The following THBS4 variants were observed in gnomAD, a reference collection of about 807,000 sequenced individuals.
The protein encoded by THBS4 is thrombospondin 4, also known as thrombospondin-4.
Under a neutral mutation model 115.7 loss-of-function variants are expected in THBS4, and 90 were observed. The observed-to-expected ratio is 0.78, with a 90% CI of 0.66 to 0.93. The LOEUF is 0.93. THBS4 is among the 40% of genes least tolerant of loss of function. The pLI is 0.00. For synonymous variants in THBS4, 460 were observed against 479.3 expected (o/e 0.96, Z 0.53); for missense variants, 1,087 against 1,232.7 (o/e 0.88, Z 1.77).
rs1018790846 is a variant in THBS4 at position 80,016,834 on chromosome 5, G to T, written n.177+18407G>T. 9.8e-4 allele frequency among the ~76,000 whole-genome samples: 149 copies of T among 152,216 alleles called. 1 individual carries two copies. The highest frequency in any genetic ancestry group is 3.6e-3 in the African/African-American group (148 of 41,542). The stretch of plus-strand genomic sequence containing the variant: ...AACGTTTGATGAACTGATTCAAAAC[G>T]GATAGATTAACCCATACCACACTCC... On this transcript the variant is annotated intron_variant and non_coding_transcript_variant, in intron 2 of 3. Transcript: ENST00000510218.
chr5:80,041,922 G>T (rs1473229160), intron 2 of THBS4, among the ~76,000 whole-genome samples: 1 of 152,204 alleles, frequency 6.6e-6, no homozygotes, highest in Non-Finnish European at 1.5e-5. Flanking sequence ...ACTTAAATCT[G>T]CAGGCATTAG....
At chr5:80,042,053 C>T (rs1458106634) in intron 2 of THBS4, among the ~76,000 whole-genome samples, 1 of 152,184 alleles carries the variant, frequency 6.6e-6, no homozygotes, top group Non-Finnish European at 1.5e-5. Context: ...CCTGCTTCCA[C>T]GCTACTCCCA....
intron 2 of THBS4, among the ~76,000 whole-genome samples, chr5:79,998,779 T>A (rs548632060): frequency 4.6e-5 from 7 of 152,342 alleles, no homozygotes; most frequent in African/African-American, 1.7e-4. Context: ...AATGGGCACA[T>A]GAAATATCCA....
intron 8 of THBS4, among the ~76,000 whole-genome samples, chr5:80,062,998 T>C (rs542973583): frequency 6.6e-6 from 1 of 152,356 alleles, no homozygotes; most frequent in African/African-American, 2.4e-5. Flanking sequence ...TAAATATACG[T>C]GTCCATGTGT....
Position 80,078,988 on chromosome 5 carries a change from T to C in THBS4, c.2314+19T>C, listed in dbSNP as rs757861354. 17 of 1,613,908 alleles carry C rather than the reference T, an allele frequency of 1.1e-5. No individual in the cohort carries two copies. The highest frequency in any genetic ancestry group is 2.7e-5 in the African/African-American group (2 of 74,936). On this transcript the variant is annotated intron_variant, in intron 18 of 21. Coordinates refer to ENST00000350881, the MANE Select transcript of THBS4 (RefSeq NM_003248.6). ...GCAGTGGGTATGTCCAGGGCCTCAG[T>C]TGCCACTCACATAGAATTCTTCCAG...
rs758019459 is a variant in THBS4 at position 80,071,006 on chromosome 5, C to G, written c.1561-15C>G. 1.6e-5 allele frequency: 25 copies of G among 1,612,002 alleles called. No homozygotes were observed. In the Admixed American group the frequency reaches 3.7e-4, roughly 24 times the overall value. ...AGTAAAAGTCTGAGTGATGTTCTGT[C>G]CTTTCATCTTTTAGGATAACTGTGT... On this transcript the variant is annotated splice_polypyrimidine_tract_variant and intron_variant, in intron 12 of 21. Transcript: ENST00000350881.
rs1831719548 is a variant in THBS4, at chr5:79,993,095, G to A, written n.81+1683G>A. ...TGAGAGGAGTGAATGAACATTCTTAGTGGACACATAACACAGTTACTCAGT... is the reference window on the plus strand; with the variant it reads ...TGAGAGGAGTGAATGAACATTCTTAATGGACACATAACACAGTTACTCAGT... On this transcript the variant is annotated intron_variant and non_coding_transcript_variant, in intron 1 of 3. Transcript: ENST00000510218. Among the ~76,000 whole-genome samples the A allele has an allele frequency of 2.0e-5, 3 of 152,188 alleles. 1 individual carries two copies. The highest frequency in any genetic ancestry group is 2.0e-4 in the Admixed American group (3 of 15,276).
chr5:80,035,582 C>A lies in THBS4; in HGVS notation c.45C>A (p.Val15=), dbSNP rs1396361976. Residue 15 remains valine (V), a synonymous_variant, in exon 1 of 22, where the codon GTC becomes GTA. Coordinates refer to ENST00000350881, the MANE Select transcript of THBS4 (RefSeq NM_003248.6). The surrounding 1 kb of genome is among the most constrained non-coding windows in gnomAD (Gnocchi z 4.6). ...RGAAVLLLHL[V]LQRWLAAGAQ... ...CCGCCGTCCTCCTGCTGCACCTGGT[C>A]CTGCAGCGGTGGCTAGCGGCAGGCG... 1 of 1,441,090 alleles carries A rather than the reference C, an allele frequency of 6.9e-7. No individual in the cohort carries two copies. Among genetic ancestry groups the A allele is most frequent in the Non-Finnish European group, 9.1e-7 (1 of 1,096,128 alleles). 89.3% of individuals were successfully genotyped at this position (1,441,090 alleles called of 1,614,324 possible). A position where few individuals can be genotyped will look rare whatever the true frequency, so the allele number is the denominator to read the frequency against.
intron 2 of THBS4, among the ~76,000 whole-genome samples, chr5:80,014,145 T>TACC (rs34870929): frequency 0.086 from 13,097 of 152,206 alleles, 804 homozygotes; most frequent in East Asian, 0.23. Context: ...GTTGTCTTGA[T>TACC]ACCACCACCA....
At position 80,079,129 on chromosome 5, in the gene THBS4, C is replaced by A. The variant is rs1580993405; in HGVS notation, c.2382C>A (p.Asp794Glu). The change falls in exon 19 of 22, where the codon GAC becomes GAA. Residue 794 changes from aspartate to glutamate, a missense_variant. This residue lies in a region of THBS4 where 979 missense variants were observed against 1,103.7 expected (regional missense o/e 0.89). Coordinates refer to ENST00000350881, the MANE Select transcript of THBS4 (RefSeq NM_003248.6). The part of the protein sequence containing the change: ...TFHVNTQTDD[D>E]YAGFIFGYQD... ...ATGTGAATACCCAGACAGATGATGACTATGCAGGCTTTATCTTTGGCTACC... is the reference window on the plus strand; with the variant it reads ...ATGTGAATACCCAGACAGATGATGAATATGCAGGCTTTATCTTTGGCTACC... 1 of 1,614,208 alleles carries A rather than the reference C, an allele frequency of 6.2e-7. No individual in the cohort carries two copies. The highest frequency in any genetic ancestry group is 8.5e-7 in the Non-Finnish European group (1 of 1,180,046).
chr5:79,992,637 G>A (rs1180368478), intron 1 of THBS4, among the ~76,000 whole-genome samples: 1 of 152,158 alleles, frequency 6.6e-6, no homozygotes, highest in African/African-American at 2.4e-5. Context: ...CAGCTCCTAT[G>A]TCTTAGACAT....
rs146651262 is a variant in THBS4 at position 80,082,309 on chromosome 5, G to A, written c.2685-97G>A. The A allele has an allele frequency of 4.0e-6, 6 of 1,496,756 alleles. No homozygotes were observed. In the African/African-American group the frequency reaches 4.2e-5, roughly 10 times the overall value. 92.7% of individuals were successfully genotyped at this position (1,496,756 alleles called of 1,614,324 possible). ...AGCCTAAAACAGAGCAAAGAAAGAC[G>A]CAGGTACGTATAAGAAGTGGGGCCC... is the stretch of plus-strand genomic sequence containing the variant. On this transcript the variant is annotated intron_variant, in intron 20 of 21. Coordinates refer to ENST00000350881, the MANE Select transcript of THBS4 (RefSeq NM_003248.6).
chr5:80,071,268 T>C (rs1834041381), intron 13 of THBS4, 88 bp downstream of exon 13: 11 of 1,493,742 alleles, frequency 7.4e-6, no homozygotes, highest in Non-Finnish European at 9.7e-6. Flanking sequence ...GAATGACTGA[T>C]TCGGAGCCTT....
intron 6 of THBS4, 78 bp from the exon 7 acceptor site, chr5:80,059,625 T>A (rs1580961376): frequency 6.2e-7 from 1 of 1,600,384 alleles, no homozygotes; most frequent in East Asian, 2.2e-5. Context: ...AAAAGTTCAA[T>A]AGGAAACCAA....
chr5:79,998,973 G>A (rs1028721176), intron 2 of THBS4, among the ~76,000 whole-genome samples: 5 of 152,114 alleles, frequency 3.3e-5, no homozygotes, highest in Admixed American at 2.6e-4. Context: ...ATGGACAGCC[G>A]GGAGTAAAGA....
intron 2 of THBS4, among the ~76,000 whole-genome samples, chr5:80,053,511 C>T (rs1256618847): frequency 6.6e-6 from 1 of 151,522 alleles, no homozygotes; most frequent in Non-Finnish European, 1.5e-5. Flanking sequence ...GTTGGGTTTA[C>T]ACATGTTTAA....
chr5:80,080,352 T>C (rs1429834318), intron 20 of THBS4: 4 of 392,354 alleles, frequency 1.0e-5, no homozygotes, highest in Non-Finnish European at 1.9e-5. Flanking sequence ...TGCATTTGGA[T>C]GGCTGTGCCC....
chr5:79,999,602 A>G (rs914008487), intron 2 of THBS4, among the ~76,000 whole-genome samples: 3 of 152,246 alleles, frequency 2.0e-5, no homozygotes, highest in African/African-American at 4.8e-5. Context: ...ATAATGAAGA[A>G]CAAATAAATC....
intron 2 of THBS4, among the ~76,000 whole-genome samples, chr5:80,002,919 A>G (rs1831932596): frequency 6.6e-6 from 1 of 150,568 alleles, no homozygotes; most frequent in Non-Finnish European, 1.5e-5. Flanking sequence ...ACGAAAGATC[A>G]TTTGAAAAAA....
Sources: gnomAD v4.1 joint callset for allele counts (sites outside exome capture counted in the v4.1 genomes callset) on GRCh38, gnomAD v4.1.1 for gene constraint, gnomAD v4.1.1 regional missense constraint, Gnocchi (gnomAD v3.1) non-coding constraint, MANE v1.5 for transcripts, NCBI Gene and HGNC (gene_info 2026-07-23, HGNC 2026-07-21) for gene names.